Variants in PTPRM observed in about 807,000 individuals in gnomAD.
The protein encoded by PTPRM is receptor-type tyrosine-protein phosphatase mu.
PTPRM carries 47 observed loss-of-function variants against 186.7 expected under a neutral mutation model. That is an observed-to-expected ratio of 0.25 (90% CI 0.20 to 0.32). The LOEUF (loss-of-function observed/expected upper bound fraction) is 0.32. Among genes scored for constraint, PTPRM ranks in the 10% least tolerant of loss-of-function variants. The pLI is 1.00. For synonymous variants in PTPRM, 668 were observed against 674.9 expected (o/e 0.99, Z 0.16); for missense variants, 1,494 against 1,865.0 (o/e 0.80, Z 3.66).
intron 13 of PTPRM, among the ~76,000 whole-genome samples, chr18:8,118,777 A>C (rs2092053810): frequency 6.8e-6 from 1 of 147,320 alleles, no homozygotes; most frequent in Non-Finnish European, 1.5e-5. Context: ...TCCAGACCAG[A>C]AGACAGAGTG....
intron 2 of PTPRM, among the ~76,000 whole-genome samples, chr18:7,786,314 G>A (rs2043095385): frequency 6.6e-6 from 1 of 152,292 alleles, no homozygotes; most frequent in East Asian, 1.9e-4. Context: ...GATATGTGGG[G>A]TAGCATATTA....
At chr18:7,753,995 T>C (rs2041348316) in intron 1 of PTPRM, among the ~76,000 whole-genome samples, 1 of 152,200 alleles carries the variant, frequency 6.6e-6, no homozygotes, top group Non-Finnish European at 1.5e-5. Context: ...GGTTCATGTG[T>C]ATGCTGGAAG....
chr18:8,250,427 AGT>A (rs1278767336), intron 17 of PTPRM, among the ~76,000 whole-genome samples: 7 of 152,116 alleles, frequency 4.6e-5, no homozygotes, highest in Non-Finnish European at 1.0e-4. Context: ...CAAAACTATT[AGT>A]GAGAAGCTTT....
At chr18:8,052,397 A>G (rs2087571059) in intron 7 of PTPRM, among the ~76,000 whole-genome samples, 1 of 152,158 alleles carries the variant, frequency 6.6e-6, no homozygotes, top group South Asian at 2.1e-4. Flanking sequence ...TTTTCACTGT[A>G]CCGTTTCTAT....
At chr18:8,080,767 A>G (rs1282258861) in intron 9 of PTPRM, among the ~76,000 whole-genome samples, 2 of 152,168 alleles carry the variant, frequency 1.3e-5, no homozygotes, top group African/African-American at 4.8e-5. Context: ...ATCTATATTT[A>G]TAACGCCATC....
chr18:8,245,171 C>T (rs1251160006), intron 15 of PTPRM, among the ~76,000 whole-genome samples: 4 of 152,152 alleles, frequency 2.6e-5, no homozygotes, highest in Non-Finnish European at 4.4e-5. Context: ...TGCAGCTCCC[C>T]TCCACTCCTC....
At chr18:7,812,365 G>C (rs1374107) in intron 2 of PTPRM, among the ~76,000 whole-genome samples, 1,596 of 152,272 alleles carry the variant, frequency 0.01, 33 homozygotes, top group African/African-American at 0.036. Flanking sequence ...ATAAGCAGGA[G>C]CATATTTTAT....
At chr18:7,835,224 T>A (rs1367977863) in intron 2 of PTPRM, among the ~76,000 whole-genome samples, 1 of 150,858 alleles carries the variant, frequency 6.6e-6, no homozygotes, top group African/African-American at 2.4e-5. Flanking sequence ...CTTATAGCTC[T>A]AAACTTTCCT....
chr18:8,096,989 A>G (rs1397041504), intron 11 of PTPRM, among the ~76,000 whole-genome samples: 1 of 152,178 alleles, frequency 6.6e-6, no homozygotes, highest in Non-Finnish European at 1.5e-5. Flanking sequence ...CTCATGTTAC[A>G]TTTCTGCTTC....
intron 1 of PTPRM, among the ~76,000 whole-genome samples, chr18:7,664,581 T>C (rs186723830): frequency 6.6e-6 from 1 of 152,090 alleles, no homozygotes; most frequent in African/African-American, 2.4e-5. Flanking sequence ...TTTCTCCATA[T>C]GGGCCTCTTC....
intron 11 of PTPRM, among the ~76,000 whole-genome samples, chr18:8,103,903 C>G (rs1219815731): frequency 6.6e-6 from 1 of 152,158 alleles, no homozygotes; most frequent in Non-Finnish European, 1.5e-5. Context: ...CACTTGAATA[C>G]TTAAAGGCCA....
intron 17 of PTPRM, 133 bp downstream of exon 17, chr18:8,248,309 C>G (rs1484837291): frequency 1.1e-6 from 1 of 902,514 alleles, no homozygotes; most frequent in East Asian, 2.4e-5. Flanking sequence ...AGGTGGGTGG[C>G]CTGGGTCATG....
chr18:7,896,207 G>A (rs1230417404), intron 3 of PTPRM, among the ~76,000 whole-genome samples: 5 of 152,104 alleles, frequency 3.3e-5, no homozygotes, highest in African/African-American at 1.2e-4. Flanking sequence ...TTTAGACATT[G>A]ATTTTTTGCC....
At chr18:8,173,613 A>G (rs991172005) in intron 14 of PTPRM, among the ~76,000 whole-genome samples, 8 of 152,176 alleles carry the variant, frequency 5.3e-5, no homozygotes, top group Middle Eastern at 3.2e-3. Flanking sequence ...AGACAGAGTT[A>G]TTATTCAAAT....
At chr18:7,660,335 C>A (rs199743359) in intron 1 of PTPRM, among the ~76,000 whole-genome samples, 3 of 147,112 alleles carry the variant, frequency 2.0e-5, no homozygotes, top group Admixed American at 1.4e-4. Context: ...GACAATTTCT[C>A]AAAAAAAAAA....
intron 9 of PTPRM, among the ~76,000 whole-genome samples, chr18:8,080,068 T>TAG (rs2090043785): frequency 6.6e-6 from 1 of 152,322 alleles, no homozygotes; most frequent in Admixed American, 6.5e-5. Context: ...TTACAAGTGA[T>TAG]ACAGAAGTTT....
chr18:7,741,169 C>G (rs996390677), intron 1 of PTPRM: 1 of 152,160 alleles, frequency 6.6e-6, no homozygotes, highest in African/African-American at 2.4e-5. Context: ...ATAAATAACT[C>G]TTTATTCTGA....
At chr18:8,215,524 T>TTTTCTTTC (rs1225339897) in intron 14 of PTPRM, among the ~76,000 whole-genome samples, 1 of 150,940 alleles carries the variant, frequency 6.6e-6, no homozygotes, top group East Asian at 1.9e-4. Flanking sequence ...TAGTGCTTTT[T>TTTTCTTTC]TTTCTTTCTT....
intron 13 of PTPRM, among the ~76,000 whole-genome samples, chr18:8,132,009 A>C (rs1401030152): frequency 6.6e-6 from 1 of 152,166 alleles, no homozygotes; most frequent in Non-Finnish European, 1.5e-5. Context: ...AATATGTGTA[A>C]TTTACTTATT....
Sources: allele counts gnomAD v4.1 joint callset (sites outside exome capture counted in the v4.1 genomes callset), GRCh38; gene constraint gnomAD v4.1.1; transcripts MANE v1.5; gene names NCBI Gene and HGNC (gene_info 2026-07-23, HGNC 2026-07-21).